The following RBPJ variants were observed in gnomAD, a reference collection of about 807,000 sequenced individuals.
RBPJ encodes the protein recombining binding protein suppressor of hairless.
A neutral mutation model predicts 67.8 loss-of-function variants in RBPJ; 9 were observed. The ratio of observed to expected loss-of-function variants is 0.13; its 90% CI spans 0.08 to 0.23. The LOEUF (loss-of-function observed/expected upper bound fraction) is 0.23. Ranked by LOEUF, RBPJ falls within the 10% of genes least tolerant of loss-of-function variation. The probability of loss-of-function intolerance (pLI) is 1.00; values close to 1 mark genes in which losing one functional copy is unlikely to be tolerated. For synonymous variants in RBPJ, 198 were observed against 203.3 expected (o/e 0.97, Z 0.22); for missense variants, 305 against 595.6 (o/e 0.51, Z 5.08).
chr4:26,359,439 TTTGTTGTA>T (rs1727782769), intron 1 of RBPJ, among the ~76,000 whole-genome samples: 1 of 139,720 alleles, frequency 7.2e-6, no homozygotes, highest in African/African-American at 2.6e-5. Context: ...TTTTTAACAT[TTTGTTGTA>T]TTTACTTTAT....
At chr4:26,320,951 G>A (rs1722959943), upstream of RBPJ, 2 of 1,612,618 alleles carry the variant, frequency 1.2e-6, no homozygotes, top group Non-Finnish European at 1.7e-6. Context: ...AAAAAGGGAA[G>A]GGGCGGGGGA....
At chr4:26,242,705 TA>T (rs1025631996) in intron 1 of RBPJ, among the ~76,000 whole-genome samples, 1,902 of 100,388 alleles carry the variant, frequency 0.019, 29 homozygotes, top group African/African-American at 0.044. Flanking sequence ...CACTCATAGT[TA>T]AAAAAAAAAA....
rs1020810394 is a variant in RBPJ at position 26,431,277 on chromosome 4, G to A, written c.*270G>A. On this transcript the variant is annotated 3_prime_UTR_variant, in exon 11 of 11. Transcript: ENST00000355476. ...TTTCAGCTGTTTTGTTGGTTGGTTG[G>A]TTGGTTTTTGTTTGGTTTTGTTTAA... is the stretch of plus-strand genomic sequence containing the variant. 5 of 329,560 alleles carry A rather than the reference G, an allele frequency of 1.5e-5. No individual in the cohort carries two copies. The South Asian group carries it at 1.7e-4, about 12-fold the overall frequency. 20.4% of individuals were successfully genotyped at this position (329,560 alleles called of 1,614,324 possible).
chr4:26,221,137 C>A (rs955708590), intron 1 of RBPJ, among the ~76,000 whole-genome samples: 1 of 152,230 alleles, frequency 6.6e-6, no homozygotes, highest in African/African-American at 2.4e-5. Flanking sequence ...GTCGCCCAGG[C>A]TGGAGTGCGG....
chr4:26,283,374 G>A (rs1315331678), intron 1 of RBPJ, among the ~76,000 whole-genome samples: 7 of 151,524 alleles, frequency 4.6e-5, no homozygotes, highest in South Asian at 2.1e-4. Context: ...GCCAAACCCC[G>A]TCTCTACTAA....
chr4:26,229,877 C>T (rs550851849), intron 1 of RBPJ, among the ~76,000 whole-genome samples: 1 of 152,208 alleles, frequency 6.6e-6, no homozygotes, highest in East Asian at 1.9e-4. Context: ...TACAACACCT[C>T]CTATAAAATT....
chr4:26,299,620 T>C (rs1216678681), intron 1 of RBPJ, among the ~76,000 whole-genome samples: 1 of 151,938 alleles, frequency 6.6e-6, no homozygotes, highest in Non-Finnish European at 1.5e-5. Context: ...GGAATTGCTT[T>C]ATCCTGGCAA....
chr4:26,182,341 C>CA (rs999649681), intron 1 of RBPJ, among the ~76,000 whole-genome samples: 56 of 151,748 alleles, frequency 3.7e-4, no homozygotes, highest in Non-Finnish European at 7.5e-4. Flanking sequence ...GACTCCGTCT[C>CA]AAAAAAACAA....
intron 1 of RBPJ, among the ~76,000 whole-genome samples, chr4:26,281,794 G>A (rs750657484): frequency 1.3e-5 from 2 of 152,188 alleles, no homozygotes; most frequent in African/African-American, 2.4e-5. Flanking sequence ...TGAGCTACAC[G>A]TAAATAATCA....
At chr4:26,261,974 C>T (rs1720554323) in intron 1 of RBPJ, among the ~76,000 whole-genome samples, 1 of 152,132 alleles carries the variant, frequency 6.6e-6, no homozygotes, top group African/African-American at 2.4e-5. Context: ...GAGACAGGAT[C>T]TTGCTCTGTC....
At chr4:26,215,080 GAAAAAAGAC>G (rs1718637293) in intron 1 of RBPJ, among the ~76,000 whole-genome samples, 9 of 60,144 alleles carry the variant, frequency 1.5e-4, no homozygotes, top group East Asian at 1.2e-3. Context: ...GAAAAAGAGA[GAAAAAAGAC>G]AGAAAGAGAA....
intron 1 of RBPJ, among the ~76,000 whole-genome samples, chr4:26,224,436 G>A (rs1719017602): frequency 6.6e-6 from 1 of 152,106 alleles, no homozygotes; most frequent in Non-Finnish European, 1.5e-5. Context: ...GGTATCGGGG[G>A]AACCAGCTCC....
the RBPJ span, among the ~76,000 whole-genome samples, chr4:26,145,572 G>A: frequency 4.6e-5 from 7 of 152,176 alleles, no homozygotes; most frequent in Non-Finnish European, 8.8e-5. Flanking sequence ...TAGAGGCAGG[G>A]ACAATTTTTG....
intron 1 of RBPJ, among the ~76,000 whole-genome samples, chr4:26,190,005 A>G (rs1717420770): frequency 6.6e-6 from 1 of 152,222 alleles, no homozygotes; most frequent in Admixed American, 6.5e-5. Context: ...AAATTCAAAC[A>G]CAGGAGCAAA....
chr4:26,227,573 G>C (rs1173581589), intron 1 of RBPJ, among the ~76,000 whole-genome samples: 2 of 152,202 alleles, frequency 1.3e-5, no homozygotes, highest in Non-Finnish European at 2.9e-5. Context: ...CACAGCCTGA[G>C]TGGAGATGAG....
chr4:26,326,404 T>A (rs1377242883), intron 1 of RBPJ, among the ~76,000 whole-genome samples: 1 of 152,182 alleles, frequency 6.6e-6, no homozygotes, highest in Non-Finnish European at 1.5e-5. Flanking sequence ...GTTTTTTATA[T>A]GATTGGCTGT....
chr4:26,193,882 C>G (rs1717659337), intron 1 of RBPJ, among the ~76,000 whole-genome samples: 1 of 152,168 alleles, frequency 6.6e-6, no homozygotes, highest in African/African-American at 2.4e-5. Flanking sequence ...CCTCTATCTC[C>G]CTGCATAGTT....
intron 1 of RBPJ, among the ~76,000 whole-genome samples, chr4:26,270,385 G>GAAAGAA (rs1560237745): frequency 3.7e-5 from 2 of 53,680 alleles, no homozygotes; most frequent in African/African-American, 1.3e-4. Context: ...AAGAAAGAAA[G>GAAAGAA]AAAGAAAGAA....
intron 2 of RBPJ, among the ~76,000 whole-genome samples, chr4:26,403,093 C>T (rs2725321): frequency 0.024 from 3,719 of 152,178 alleles, 131 homozygotes; most frequent in African/African-American, 0.074. Context: ...AAATTAATTA[C>T]GTATTTTTAA....
Sources: gnomAD v4.1 joint callset for allele counts (sites outside exome capture counted in the v4.1 genomes callset) on GRCh38, gnomAD v4.1.1 for gene constraint, MANE v1.5 for transcripts, NCBI Gene and HGNC (gene_info 2026-07-23, HGNC 2026-07-21) for gene names.